The following ASTL variants were observed in gnomAD, a reference collection of about 807,000 sequenced individuals.
The protein encoded by ASTL is astacin-like metalloendopeptidase.
A neutral mutation model predicts 36.7 loss-of-function variants in ASTL; 27 were observed. The ratio of observed to expected loss-of-function variants is 0.73; its 90% CI spans 0.54 to 1.01. The LOEUF (loss-of-function observed/expected upper bound fraction) is 1.01. Among genes scored for constraint, ASTL ranks in the 50% least tolerant of loss-of-function variants. The probability of loss-of-function intolerance (pLI) is 0.00; values close to 1 mark genes in which losing one functional copy is unlikely to be tolerated. For synonymous variants in ASTL, 222 were observed against 228.1 expected (o/e 0.97, Z 0.24); for missense variants, 524 against 572.8 (o/e 0.91, Z 0.87).
At position 96,123,776 on chromosome 2, in the gene ASTL, G is replaced by A; in HGVS notation, c.*74C>T. 7.8e-7 allele frequency: 1 copy of A among 1,288,780 alleles called. No homozygotes were observed. Among genetic ancestry groups the A allele is most frequent in the Non-Finnish European group, 1.1e-6 (1 of 911,530 alleles). 79.8% of individuals were successfully genotyped at this position (1,288,780 alleles called of 1,614,324 possible). A position where few individuals can be genotyped will look rare whatever the true frequency, so the allele number is the denominator to read the frequency against. On this transcript the variant is annotated 3_prime_UTR_variant, in exon 9 of 9. Transcript: ENST00000342380. The stretch of plus-strand genomic sequence containing the variant: ...CTGGAAGACAGTGGTGTGGCCCAAA[G>A]GAGCCAAGAGGTAGACGACCCAGCT...
intron 6 of ASTL, among the ~76,000 whole-genome samples, chr2:96,131,194 A>G (rs1682171618): frequency 6.6e-6 from 1 of 152,204 alleles, no homozygotes; most frequent in South Asian, 2.1e-4. Flanking sequence ...TTGGGTTGAC[A>G]TGCTCAATTT....
At position 96,124,308 on chromosome 2, in the gene ASTL, T is replaced by C. The variant is rs1443760671; in HGVS notation, c.875-37A>G. On this transcript the variant is annotated intron_variant, in intron 8 of 8. Transcript: ENST00000342380. The surrounding 1 kb of genome is among the most constrained non-coding windows in gnomAD (Gnocchi z 4.1). ...AAGACAGGAGGTGGAACCTCAGAAC[T>C]GTAGGATGACATGTGGCCCAGCTGT... is the stretch of plus-strand genomic sequence containing the variant. 6.8e-7 allele frequency: 1 copy of C among 1,478,576 alleles called. No homozygotes were observed. Among genetic ancestry groups the C allele is most frequent in the Non-Finnish European group, 9.0e-7 (1 of 1,115,186 alleles). 91.6% of individuals were successfully genotyped at this position (1,478,576 alleles called of 1,614,324 possible).
chr2:96,131,774 G>A (rs1351968055), intron 6 of ASTL, among the ~76,000 whole-genome samples: 1 of 152,076 alleles, frequency 6.6e-6, no homozygotes, highest in East Asian at 1.9e-4. Context: ...GAAAGGTCTC[G>A]TGCTGGACGC....
At chr2:96,125,009 A>G (rs1682036771) in intron 8 of ASTL, among the ~76,000 whole-genome samples, 1 of 152,116 alleles carries the variant, frequency 6.6e-6, no homozygotes, top group Non-Finnish European at 1.5e-5. Flanking sequence ...CCACCACTGC[A>G]GCCTGTTCCT....
At chr2:96,125,837 G>A (rs1329135345) in intron 8 of ASTL, among the ~76,000 whole-genome samples, 1 of 152,132 alleles carries the variant, frequency 6.6e-6, no homozygotes. Context: ...AGCTACTCGG[G>A]AGGCTGAGGT....
rs780058774 is a variant in ASTL, at chr2:96,129,952, G to A, written c.746C>T (p.Pro249Leu). The change falls in exon 8 of 9, where the codon CCC becomes CTC. Residue 249 changes from proline to leucine, a missense_variant. Transcript: ENST00000342380. ...GRLAFSRRGL[P>L]TITPLWAPSV... ...GGGGGCCCAAAGTGGTGTGATGGTG[G>A]GCAGCCCACGCCGGCTGAAGGCGAG... is the stretch of plus-strand genomic sequence containing the variant. 1 of 1,604,638 alleles carries A rather than the reference G, an allele frequency of 6.2e-7. No individual in the cohort carries two copies. The highest frequency in any genetic ancestry group is 8.5e-7 in the Non-Finnish European group (1 of 1,172,710).
intron 3 of ASTL, 85 bp downstream of exon 3, chr2:96,135,266 C>A: frequency 9.0e-7 from 1 of 1,110,990 alleles, no homozygotes; most frequent in Non-Finnish European, 1.4e-6. Context: ...ACACATCAGG[C>A]CCCATGGCAT....
Position 96,123,640 on chromosome 2 carries a change from C to T in ASTL, c.*210G>A, listed in dbSNP as rs947599644. On this transcript the variant is annotated 3_prime_UTR_variant, in exon 9 of 9. Transcript: ENST00000342380. ...GAGCAGGCACAGCCAGGCCTGCCTT[C>T]CCCTGTGGCAGAGCTAGAAGAACCC... is the stretch of plus-strand genomic sequence containing the variant. Among the ~76,000 whole-genome samples the T allele has an allele frequency of 1.3e-5, 2 of 152,174 alleles. No individual in the cohort carries two copies. Among genetic ancestry groups the T allele is most frequent in the African/African-American group, 4.8e-5 (2 of 41,436 alleles).
chr2:96,137,504 G>A, intron 2 of ASTL, 71 bp downstream of exon 2: 2 of 1,534,096 alleles, frequency 1.3e-6, no homozygotes, highest in South Asian at 2.3e-5. Flanking sequence ...GCATTTCTGA[G>A]TGTTCGGTGT....
Position 96,138,417 on chromosome 2 carries a change from A to G in ASTL, c.20T>C (p.Leu7Pro), listed in dbSNP as rs748327712. ...GAGCAGACCCAGCACCCAAGGCCAG[A>G]GACCCCCTACACCCTCCATGGTAGA... MEGVGG[L>P]WPWVLGLLSL... The change falls in exon 1 of 9, where the codon CTC (leucine) becomes CCC (proline). Residue 7 changes from leucine (L) to proline (P), a missense_variant. By Grantham distance (98) the Leu-to-Pro change is moderately conservative. Transcript: ENST00000342380. 2 of 1,610,798 alleles carry G rather than the reference A, an allele frequency of 1.2e-6. No homozygotes were observed. The highest frequency in any genetic ancestry group is 1.1e-5 in the South Asian group (1 of 90,308).
chr2:96,125,147 G>A (rs1682039684), intron 8 of ASTL, among the ~76,000 whole-genome samples: 1 of 152,126 alleles, frequency 6.6e-6, no homozygotes, highest in African/African-American at 2.4e-5. Flanking sequence ...CACCTACATA[G>A]GCTTCACAGC....
intron 3 of ASTL, 29 bp downstream of exon 3, chr2:96,135,322 C>T (rs755038635): frequency 7.4e-5 from 119 of 1,605,668 alleles, no homozygotes; most frequent in Non-Finnish European, 9.4e-5. Flanking sequence ...GGCTTATCCG[C>T]ACCCACACAC....
At chr2:96,128,402 ACTATATATTTTTT>A (rs1311856573) in intron 8 of ASTL, among the ~76,000 whole-genome samples, 1 of 152,204 alleles carries the variant, frequency 6.6e-6, no homozygotes, top group Non-Finnish European at 1.5e-5. Flanking sequence ...AAGAGATCTT[ACTATATATTTTTT>A]TTCTAAACAT....
chr2:96,129,688 C>A (rs538843446), intron 8 of ASTL, 136 bp downstream of exon 8: 5 of 727,444 alleles, frequency 6.9e-6, no homozygotes, highest in Non-Finnish European at 1.1e-5. Context: ...GCTTGTTCTG[C>A]GTCGTTGTGG....
In ASTL at chr2:96,124,047, CT is replaced by C; in HGVS notation, c.1098del (p.Ala367LeufsTer74). 6.2e-7 allele frequency: 1 copy of C among 1,613,930 alleles called. No homozygotes were observed. On this transcript the variant is annotated frameshift_variant, in exon 9 of 9. Coordinates refer to ENST00000342380, the MANE Select transcript of ASTL (RefSeq NM_001002036.4). LOFTEE classifies it low-confidence loss of function (END_TRUNC). This position sits in a 1 kb window ranked among gnomAD's most constrained non-coding sequence, Gnocchi z 4.1. ...AEASARQPQTLASSPRSRPGA... is the reference protein window; with the variant it reads ...AEASARQPQTXASSPRSRPGA... ...CCAGGCCTTGATCTTGGGGAGGAAG[CT>C]AGGGTCTGAGGCTGCCTTGCCGAGG...
In ASTL at chr2:96,124,270, C is replaced by A. The variant is rs981454531; in HGVS notation, c.876G>T (p.Gly292=). 1.7e-5 allele frequency: 26 copies of A among 1,505,386 alleles called. No homozygotes were observed. The highest frequency in any genetic ancestry group is 1.4e-4 in the Admixed American group (6 of 43,266). 93.3% of individuals were successfully genotyped at this position (1,505,386 alleles called of 1,614,324 possible). Residue 292 remains glycine (G), a splice_region_variant and synonymous_variant, in exon 9 of 9, where the codon GGG becomes GGT. Transcript: ENST00000342380. This position sits in a 1 kb window ranked among gnomAD's most constrained non-coding sequence, Gnocchi z 4.1. Reference sequence around the variant, plus strand: ...TCCTACCAGTGCTGTGGGCATGGGACCCTGCAACAGAAAAGACAGGAGGTG... The same window carrying A: ...TCCTACCAGTGCTGTGGGCATGGGAACCTGCAACAGAAAAGACAGGAGGTG... ...SPSGPRPRGR[G]SHAHSTGRSP... is the part of the protein sequence containing the mutation.
At chr2:96,130,730 C>T (rs896991579) in intron 6 of ASTL, among the ~76,000 whole-genome samples, 4 of 152,202 alleles carry the variant, frequency 2.6e-5, no homozygotes, top group South Asian at 2.1e-4. Flanking sequence ...CACGCATACA[C>T]GCCACCTCGG....
chr2:96,124,208 A>C lies in ASTL; in HGVS notation c.938T>G (p.Leu313Trp), dbSNP rs1156358376. 6.6e-7 allele frequency: 1 copy of C among 1,524,562 alleles called. No homozygotes were observed. The highest frequency in any genetic ancestry group is 2.3e-5 in the East Asian group (1 of 44,202). 94.4% of individuals were successfully genotyped at this position (1,524,562 alleles called of 1,614,324 possible). ...CCTGGATTCCGCCGACAGTGCCTCC[A>C]AAAGCCGCTGCAGAGATAGGGAGGC... Reference protein sequence around the residue: ...APASLSLQRLLEALSAESRSP... With the variant: ...APASLSLQRLWEALSAESRSP... Residue 313 changes from leucine (L) to tryptophan (W), a missense_variant, in exon 9 of 9, where the codon TTG becomes TGG. Leu to Trp is a moderately conservative substitution (Grantham distance 61). Coordinates refer to ENST00000342380, the MANE Select transcript of ASTL (RefSeq NM_001002036.4). The surrounding 1 kb of genome is among the most constrained non-coding windows in gnomAD (Gnocchi z 4.1).
At chr2:96,136,865 T>C (rs1308066511) in intron 2 of ASTL, among the ~76,000 whole-genome samples, 3 of 152,158 alleles carry the variant, frequency 2.0e-5, no homozygotes, top group Non-Finnish European at 4.4e-5. Flanking sequence ...GTTTTTTGTT[T>C]TTTGTGAGAT....
Sources: gnomAD v4.1 joint callset for allele counts (sites outside exome capture counted in the v4.1 genomes callset) on GRCh38, gnomAD v4.1.1 for gene constraint, Gnocchi (gnomAD v3.1) non-coding constraint, MANE v1.5 for transcripts, NCBI Gene and HGNC (gene_info 2026-07-23, HGNC 2026-07-21) for gene names.